CABLES1: variants seen among roughly 807,000 people sequenced by gnomAD.
CABLES1 encodes Cdk5 and Abl enzyme substrate 1.
CABLES1 carries 36 observed loss-of-function variants against 57.8 expected under a neutral mutation model. That is an observed-to-expected ratio of 0.62 (90% CI 0.48 to 0.82). The LOEUF is 0.82. Ranked by LOEUF, CABLES1 falls within the 40% of genes least tolerant of loss-of-function variation. The pLI, the probability that CABLES1 is intolerant of heterozygous loss-of-function variation, is 0.00. For missense variants in CABLES1, 767 were observed against 836.6 expected (o/e 0.92, Z 1.03); for synonymous variants, 374 against 363.0 (o/e 1.03, Z -0.35).
chr18:23,157,736 C>G (rs186370750), intron 1 of CABLES1, among the ~76,000 whole-genome samples: 1 of 152,238 alleles, frequency 6.6e-6, no homozygotes, highest in East Asian at 1.9e-4. Flanking sequence ...GGCATAGTGA[C>G]ACGTGCTTAT....
chr18:23,161,196 GGAGACTCTGTCTCTCAAAATAAAT>G (rs2047001529), intron 1 of CABLES1, among the ~76,000 whole-genome samples: 1 of 151,812 alleles, frequency 6.6e-6, no homozygotes, highest in Non-Finnish European at 1.5e-5. Flanking sequence ...GTGACAGAGG[GGAGACTCTGTCTCTCAAAATAAAT>G]GAATAAAGTG....
chr18:23,195,015 C>G (rs2047272021), intron 3 of CABLES1, among the ~76,000 whole-genome samples: 1 of 152,206 alleles, frequency 6.6e-6, no homozygotes, highest in Non-Finnish European at 1.5e-5. Context: ...CTGGCAGATT[C>G]TTCCTCAGTG....
intron 4 of CABLES1, among the ~76,000 whole-genome samples, chr18:23,228,392 C>T (rs2047543317): frequency 6.6e-6 from 1 of 152,200 alleles, no homozygotes; most frequent in Admixed American, 6.5e-5. Flanking sequence ...GATTAGCCAC[C>T]TGCTTTGATC....
chr18:23,230,892 C>T (rs575007672), intron 4 of CABLES1, among the ~76,000 whole-genome samples: 36 of 152,298 alleles, frequency 2.4e-4, no homozygotes, highest in African/African-American at 8.7e-4. Flanking sequence ...ACACCCGCCC[C>T]GTGACCCCTC....
rs2048224271 is a variant in CABLES1, at chr18:23,258,646, T to C, written c.*1279T>C. 6.6e-6 allele frequency: 1 copy of C among 152,248 alleles called. No individual in the cohort carries two copies. Among genetic ancestry groups the C allele is most frequent in the South Asian group, 2.1e-4 (1 of 4,828 alleles). The allele number at this position is 152,248 out of a possible 1,614,324, so 9.4% of individuals were successfully genotyped here. Reference sequence around the variant, plus strand: ...AAAAAGAGAATTAAACTCTTGTTGCTTTTTGTATACCTGTATGCGTTTGTG... The same window carrying C: ...AAAAAGAGAATTAAACTCTTGTTGCCTTTTGTATACCTGTATGCGTTTGTG... On this transcript the variant is annotated 3_prime_UTR_variant, in exon 10 of 10. Coordinates refer to ENST00000256925, the MANE Select transcript of CABLES1 (RefSeq NM_001100619.3).
chr18:23,249,844 C>T (rs1442528357), intron 7 of CABLES1, among the ~76,000 whole-genome samples: 3 of 152,126 alleles, frequency 2.0e-5, no homozygotes, highest in Admixed American at 2.0e-4. Context: ...GCTGCTTATT[C>T]AGTACCATGA....
At chr18:23,203,458 T>TA (rs10617500) in intron 3 of CABLES1, among the ~76,000 whole-genome samples, 2,831 of 140,538 alleles carry the variant, frequency 0.02, 48 homozygotes, top group East Asian at 0.054. Flanking sequence ...TAGGATATGT[T>TA]AAAAAAAAAA....
intron 2 of CABLES1, 86 bp from the exon 3 acceptor site, chr18:23,194,362 G>A (rs772794023): frequency 2.5e-6 from 2 of 810,596 alleles, no homozygotes; most frequent in Non-Finnish European, 4.2e-6. Flanking sequence ...CCATTTGTCT[G>A]GTCCTTCCTT....
chr18:23,244,969 G>A (rs2047838258), intron 7 of CABLES1, among the ~76,000 whole-genome samples: 1 of 152,244 alleles, frequency 6.6e-6, no homozygotes, highest in South Asian at 2.1e-4. Context: ...CCCTAGAGCG[G>A]AAGTACCTTT....
Position 23,177,931 on chromosome 18 carries a change from C to T in CABLES1, c.846-10907C>T, listed in dbSNP as rs554161076. On this transcript the variant is annotated intron_variant, in intron 1 of 9. Transcript: ENST00000256925. Reference sequence around the variant, plus strand: ...GCTCAGGGAAGCCCTTTGCAGAGAACGCCTGGATTTGATTCCTTGGAGCCT... The same window carrying T: ...GCTCAGGGAAGCCCTTTGCAGAGAATGCCTGGATTTGATTCCTTGGAGCCT... Among the ~76,000 whole-genome samples, 3 of 152,302 alleles carry T rather than the reference C, an allele frequency of 2.0e-5. No homozygotes were observed. The South Asian group carries it at 6.2e-4, about 32-fold the overall frequency.
chr18:23,143,902 T>G (rs1417153945), intron 1 of CABLES1, among the ~76,000 whole-genome samples: 1 of 152,214 alleles, frequency 6.6e-6, no homozygotes, highest in Non-Finnish European at 1.5e-5. Context: ...TCCTGGTATT[T>G]CAGGCGAGGC....
chr18:23,248,201 G>A (rs1387577466), intron 7 of CABLES1, among the ~76,000 whole-genome samples: 15 of 152,236 alleles, frequency 9.9e-5, no homozygotes, highest in Non-Finnish European at 1.6e-4. Flanking sequence ...GCAGGGGCAG[G>A]GGCAGGACTC....
At chr18:23,136,930 G>C (rs1177198281) in intron 1 of CABLES1, among the ~76,000 whole-genome samples, 4 of 152,242 alleles carry the variant, frequency 2.6e-5, no homozygotes, top group Non-Finnish European at 5.9e-5. Flanking sequence ...CAAACTTCCT[G>C]AAACCCGGTC....
intron 4 of CABLES1, chr18:23,214,641 C>T (rs1250593149): frequency 6.6e-6 from 1 of 152,462 alleles, no homozygotes; most frequent in Non-Finnish European, 1.5e-5. Context: ...TCTTCATCGC[C>T]ATCCCTGAAC....
chr18:23,150,346 C>T (rs2046920656), intron 1 of CABLES1, among the ~76,000 whole-genome samples: 1 of 151,398 alleles, frequency 6.6e-6, no homozygotes, highest in Admixed American at 6.6e-5. Context: ...GTAGCTGGGA[C>T]TACAGGTGCC....
intron 1 of CABLES1, among the ~76,000 whole-genome samples, chr18:23,157,698 A>T (rs1301210026): frequency 3.9e-5 from 6 of 152,158 alleles, no homozygotes; most frequent in Non-Finnish European, 1.5e-5. Context: ...TATATGATTT[A>T]ATTAGATGAA....
chr18:23,154,606 G>A (rs901691089), intron 1 of CABLES1, among the ~76,000 whole-genome samples: 2 of 152,072 alleles, frequency 1.3e-5, no homozygotes, highest in African/African-American at 4.8e-5. Flanking sequence ...ATATCTAATG[G>A]GACTCTTGTA....
At chr18:23,236,152 G>A (rs538359845) in intron 6 of CABLES1, 101 bp downstream of exon 6, 3 of 1,284,890 alleles carry the variant, frequency 2.3e-6, no homozygotes, top group African/African-American at 3.0e-5. Context: ...GGAAGACAGG[G>A]GCTCGCAGGT....
intron 1 of CABLES1, among the ~76,000 whole-genome samples, chr18:23,140,470 T>C (rs1302291588): frequency 6.7e-6 from 1 of 150,276 alleles, no homozygotes; most frequent in East Asian, 1.9e-4. Flanking sequence ...GGAGTCTTGC[T>C]CTGTCACCTA....
Sources: gnomAD v4.1 joint callset for allele counts (sites outside exome capture counted in the v4.1 genomes callset) on GRCh38, gnomAD v4.1.1 for gene constraint, MANE v1.5 for transcripts, NCBI Gene and HGNC (gene_info 2026-07-23, HGNC 2026-07-21) for gene names.